The following PTK7 variants were observed in gnomAD, a reference collection of about 807,000 sequenced individuals.
PTK7 encodes the protein inactive tyrosine-protein kinase 7.
Under a neutral mutation model 116.6 loss-of-function variants are expected in PTK7, and 39 were observed. That is an observed-to-expected ratio of 0.33 (90% CI 0.26 to 0.44). The LOEUF is 0.44. PTK7 is among the 20% of genes least tolerant of loss of function. The pLI is 1.00. For synonymous variants in PTK7, 546 were observed against 563.6 expected, an observed-to-expected ratio of 0.97 and a Z score of 0.44; for missense variants, 1,169 against 1,425.6, an observed-to-expected ratio of 0.82 and a Z score of 2.90.
intron 1 of PTK7, among the ~76,000 whole-genome samples, chr6:43,085,282 T>A (rs956794661): frequency 6.6e-6 from 1 of 152,166 alleles, no homozygotes; most frequent in Non-Finnish European, 1.5e-5. Flanking sequence ...CTTTCTTTTT[T>A]GAGATGGAGT....
At chr6:43,126,840 T>C (rs1159224748) in intron 1 of PTK7, among the ~76,000 whole-genome samples, 1 of 152,224 alleles carries the variant, frequency 6.6e-6, no homozygotes, top group African/African-American at 2.4e-5. Flanking sequence ...ATTTGTTAAC[T>C]TGCACAGCAG....
chr6:43,080,168 T>C (rs957243705), intron 1 of PTK7, among the ~76,000 whole-genome samples: 1 of 151,002 alleles, frequency 6.6e-6, no homozygotes, highest in African/African-American at 2.4e-5. Context: ...CTGGCTAACA[T>C]GGTGAAACCC....
chr6:43,121,847 G>A (rs116489283), intron 1 of PTK7, among the ~76,000 whole-genome samples: 1,728 of 152,276 alleles, frequency 0.011, 37 homozygotes, highest in African/African-American at 0.039. Context: ...TCTTCAAAAC[G>A]TTACAAATGT....
In PTK7 at chr6:43,161,088, G is replaced by A. The variant is rs1051318997; in HGVS notation, c.*207G>A. 1.6e-5 allele frequency: 11 copies of A among 689,622 alleles called. No homozygotes were observed. The highest frequency in any genetic ancestry group is 2.5e-5 in the Non-Finnish European group (11 of 433,966). 42.7% of individuals were successfully genotyped at this position (689,622 alleles called of 1,614,324 possible). On this transcript the variant is annotated 3_prime_UTR_variant, in exon 20 of 20. Coordinates refer to ENST00000230419, the MANE Select transcript of PTK7 (RefSeq NM_002821.5). The stretch of plus-strand genomic sequence containing the variant: ...AGGCTGACTTGGACCCAAACTGGGC[G>A]ACTAGGGCTTTGAGCTGGGCAGTTT...
intron 7 of PTK7, among the ~76,000 whole-genome samples, chr6:43,135,600 A>T (rs1769982369): frequency 6.6e-6 from 1 of 152,216 alleles, no homozygotes; most frequent in Non-Finnish European, 1.5e-5. Context: ...CAGCCATGTG[A>T]TAGGCCCTGA....
At chr6:43,140,233 G>T (rs2150446754) in intron 10 of PTK7, among the ~76,000 whole-genome samples, 1 of 152,292 alleles carries the variant, frequency 6.6e-6, no homozygotes, top group Non-Finnish European at 1.5e-5. Flanking sequence ...TGGATCACGA[G>T]GTCATGAGAT....
intron 17 of PTK7, among the ~76,000 whole-genome samples, chr6:43,157,326 C>CGCTA (rs1771496006): frequency 4.5e-5 from 1 of 22,006 alleles, no homozygotes; most frequent in Admixed American, 7.2e-4. Flanking sequence ...GACACACACG[C>CGCTA]TATATATATA....
intron 1 of PTK7, among the ~76,000 whole-genome samples, chr6:43,103,054 G>A (rs533823135): frequency 2.6e-5 from 4 of 152,296 alleles, no homozygotes; most frequent in African/African-American, 9.6e-5. Context: ...AGAGAACTGA[G>A]TCATTTGGGC....
chr6:43,120,192 T>A (rs1768873913), intron 1 of PTK7, among the ~76,000 whole-genome samples: 1 of 152,120 alleles, frequency 6.6e-6, no homozygotes. Flanking sequence ...TAGGACAATA[T>A]TTCAGGTCAA....
intron 7 of PTK7, among the ~76,000 whole-genome samples, chr6:43,138,055 C>A (rs1014020475): frequency 7.9e-5 from 12 of 152,178 alleles, no homozygotes; most frequent in African/African-American, 2.7e-4. Flanking sequence ...ATGATCTGCC[C>A]GCCTTTGCCT....
At chr6:43,092,334 C>T (rs1766997437) in intron 1 of PTK7, among the ~76,000 whole-genome samples, 1 of 151,794 alleles carries the variant, frequency 6.6e-6, no homozygotes, top group Non-Finnish European at 1.5e-5. Flanking sequence ...CCATCACGCC[C>T]AGCTAAATTT....
Position 43,129,250 on chromosome 6 carries a change from C to T in PTK7, c.353C>T (p.Ser118Phe). Residue 118 changes from serine (S) to phenylalanine (F), a missense_variant, in exon 2 of 20, where the codon TCC (serine) becomes TTC (phenylalanine). By Grantham distance (155) the Ser-to-Phe change is radical (BLOSUM62 -2). Transcript: ENST00000230419. The surrounding 1 kb of genome is among the most constrained non-coding windows in gnomAD (Gnocchi z 4.5). ...TGEEARSANASFNIKWIEAGP... is the reference protein window; with the variant it reads ...TGEEARSANAFFNIKWIEAGP... ...GAAGAAGCCCGCAGTGCCAACGCCT[C>T]CTTCAACATCAAATGTGAGAGCCAG... The T allele has an allele frequency of 6.2e-7, 1 of 1,614,098 alleles. No individual in the cohort carries two copies. The highest frequency in any genetic ancestry group is 1.1e-5 in the South Asian group (1 of 91,080).
At position 43,076,604 on chromosome 6, in the gene PTK7, A is replaced by T. The variant is rs2150362432; in HGVS notation, c.79+37A>T. On this transcript the variant is annotated intron_variant, in intron 1 of 19. Coordinates refer to ENST00000230419, the MANE Select transcript of PTK7 (RefSeq NM_002821.5). This position sits in a 1 kb window ranked among gnomAD's most constrained non-coding sequence, Gnocchi z 5.7. ...AGAGTTGGGGGCACAGAGCTTGGGA[A>T]GCGCGGGAGTCCCGTGGGCAAAAGG... The T allele has an allele frequency of 5.8e-6, 9 of 1,553,160 alleles. No individual in the cohort carries two copies. Among genetic ancestry groups the T allele is most frequent in the East Asian group, 2.5e-5 (1 of 39,806 alleles).
intron 1 of PTK7, among the ~76,000 whole-genome samples, chr6:43,089,165 C>T (rs767133907): frequency 6.6e-6 from 1 of 152,202 alleles, no homozygotes. Context: ...CTTGACATTC[C>T]GGGTGATGCC....
intron 17 of PTK7, among the ~76,000 whole-genome samples, chr6:43,152,713 G>A (rs76418500): frequency 0.015 from 2,217 of 150,640 alleles, 60 homozygotes; most frequent in African/African-American, 0.051. Context: ...TAGAGCAACA[G>A]AAGAACTGAA....
At chr6:43,132,231 T>G in intron 6 of PTK7, 67 bp downstream of exon 6, 1 of 1,539,818 alleles carries the variant, frequency 6.5e-7, no homozygotes, top group Non-Finnish European at 8.8e-7. Flanking sequence ...CATAGAGATT[T>G]AGGCTTCTGT....
At chr6:43,128,066 G>A (rs1769407140) in intron 1 of PTK7, among the ~76,000 whole-genome samples, 1 of 152,254 alleles carries the variant, frequency 6.6e-6, no homozygotes, top group Admixed American at 6.5e-5. Context: ...GGGCTGCAGA[G>A]CATTTGCGGA....
At chr6:43,103,351 A>G (rs1362710088) in intron 1 of PTK7, among the ~76,000 whole-genome samples, 2 of 152,196 alleles carry the variant, frequency 1.3e-5, no homozygotes, top group Non-Finnish European at 2.9e-5. Context: ...TTTAAAGGCT[A>G]GGTTGAGCAA....
At chr6:43,121,399 C>T (rs1768951489) in intron 1 of PTK7, among the ~76,000 whole-genome samples, 1 of 152,212 alleles carries the variant, frequency 6.6e-6, no homozygotes, top group African/African-American at 2.4e-5. Context: ...GTGGGAACCT[C>T]TCCAGATACT....
Sources: allele counts gnomAD v4.1 joint callset (sites outside exome capture counted in the v4.1 genomes callset), GRCh38; gene constraint gnomAD v4.1.1; non-coding constraint Gnocchi (gnomAD v3.1); transcripts MANE v1.5; gene names NCBI Gene and HGNC (gene_info 2026-07-23, HGNC 2026-07-21).